MID1: variants seen among roughly 807,000 people sequenced by gnomAD.
MID1 encodes the protein midline 1.
A neutral mutation model predicts 40.4 loss-of-function variants in MID1; 7 were observed. The ratio of observed to expected loss-of-function variants is 0.17; its 90% CI spans 0.10 to 0.33. MID1 has a LOEUF of 0.33. Among genes scored for constraint, MID1 ranks in the 10% least tolerant of loss-of-function variants. The probability of loss-of-function intolerance (pLI) is 1.00; values close to 1 mark genes in which losing one functional copy is unlikely to be tolerated. For missense variants in MID1, 367 were observed against 558.5 expected, an observed-to-expected ratio of 0.66 and a Z score of 3.46; for synonymous variants, 229 against 221.2, an observed-to-expected ratio of 1.04 and a Z score of -0.31.
intron 1 of MID1, among the ~76,000 whole-genome samples, chrX:10,744,468 G>A (rs1278961432): frequency 2.7e-5 from 3 of 111,412 alleles, no homozygotes; most frequent in African/African-American, 9.8e-5. Context: ...TCAACAAAAG[G>A]AGAAAGGGAG....
intron 7 of MID1, among the ~76,000 whole-genome samples, chrX:10,464,719 A>G (rs960757964): frequency 8.9e-6 from 1 of 112,150 alleles, no homozygotes; most frequent in Admixed American, 9.5e-5. Context: ...AGCCAAGATC[A>G]GCAGGGCTTC....
intron 1 of MID1, among the ~76,000 whole-genome samples, chrX:10,616,668 G>A (rs1440490643): frequency 4.5e-5 from 5 of 112,117 alleles, no homozygotes; most frequent in African/African-American, 1.6e-4. Context: ...TAGCCTATGC[G>A]GTCTACAGCC....
At chrX:10,506,600 G>C in intron 3 of MID1, 4 of 485,706 alleles carry the variant, frequency 8.2e-6, no homozygotes, top group Non-Finnish European at 1.5e-5. Context: ...CCTGGGAGGG[G>C]CAGAAAAAGT....
intron 7 of MID1, chrX:10,469,306 T>A (rs1929559133): frequency 2.2e-6 from 2 of 919,896 alleles, no homozygotes; most frequent in Middle Eastern, 4.8e-4. Flanking sequence ...TTTATAGTTT[T>A]AACACCTATG....
intron 1 of MID1, among the ~76,000 whole-genome samples, chrX:10,804,954 T>C (rs1368461536): frequency 9.0e-6 from 1 of 111,524 alleles, no homozygotes; most frequent in Non-Finnish European, 1.9e-5. Flanking sequence ...AAATTTTTTC[T>C]AATCTTCACC....
chrX:10,809,040 CT>C (rs2044071836), intron 1 of MID1, among the ~76,000 whole-genome samples: 1 of 111,577 alleles, frequency 9.0e-6, no homozygotes, highest in South Asian at 3.8e-4. Flanking sequence ...TGACAAAGGG[CT>C]AATATCCAGA....
At chrX:10,531,179 C>A (rs2147385170) in intron 2 of MID1, among the ~76,000 whole-genome samples, 1 of 111,550 alleles carries the variant, frequency 9.0e-6, no homozygotes, top group Non-Finnish European at 1.9e-5. Flanking sequence ...CATATATTTT[C>A]TTCTAAGAAA....
chrX:10,738,560 AT>A (rs945138156), intron 1 of MID1, among the ~76,000 whole-genome samples: 1 of 112,120 alleles, frequency 8.9e-6, no homozygotes, highest in African/African-American at 3.2e-5. Context: ...GCCCACTTCA[AT>A]TTGAATTTTA....
At chrX:10,601,685 T>C (rs1008530889) in intron 1 of MID1, among the ~76,000 whole-genome samples, 1 of 111,455 alleles carries the variant, frequency 9.0e-6, no homozygotes, top group African/African-American at 3.3e-5. Context: ...CACATGATCC[T>C]GCTCTGACTA....
chrX:10,709,469 C>T (rs764510626), intron 1 of MID1, among the ~76,000 whole-genome samples: 3 of 111,930 alleles, frequency 2.7e-5, no homozygotes, highest in East Asian at 2.8e-4. Flanking sequence ...AGGCTTCAGG[C>T]GGGTTAGGCG....
intron 1 of MID1, among the ~76,000 whole-genome samples, chrX:10,704,920 C>T (rs898034544): frequency 5.5e-5 from 6 of 108,392 alleles, no homozygotes; most frequent in African/African-American, 1.0e-4. Flanking sequence ...CGTGCCACCA[C>T]GCCCGGCTAA....
intron 1 of MID1, among the ~76,000 whole-genome samples, chrX:10,787,353 T>A (rs973783430): frequency 1.9e-4 from 21 of 109,903 alleles, no homozygotes; most frequent in African/African-American, 5.6e-4. Flanking sequence ...CTATTTTTTT[T>A]AAATGAATCT....
At chrX:10,584,861 G>C (rs1348459582) in intron 1 of MID1, among the ~76,000 whole-genome samples, 1 of 111,045 alleles carries the variant, frequency 9.0e-6, no homozygotes, top group African/African-American at 3.3e-5. Context: ...TTATTCGGCT[G>C]GGGGCATCGG....
At chrX:10,796,415 T>A (rs888659656) in intron 1 of MID1, among the ~76,000 whole-genome samples, 1 of 107,759 alleles carries the variant, frequency 9.3e-6, no homozygotes, top group African/African-American at 3.4e-5. Flanking sequence ...AAAATTCAGT[T>A]TTTTTTTTTC....
At chrX:10,658,282 G>T (rs1346811895) in intron 1 of MID1, among the ~76,000 whole-genome samples, 4 of 108,696 alleles carry the variant, frequency 3.7e-5, no homozygotes, top group African/African-American at 1.3e-4. Flanking sequence ...TGAAAGGAAG[G>T]ATAAGGAATC....
At chrX:10,748,884 T>C (rs2043580024) in intron 1 of MID1, among the ~76,000 whole-genome samples, 1 of 111,261 alleles carries the variant, frequency 9.0e-6, no homozygotes, top group Non-Finnish European at 1.9e-5. Context: ...ACAAATGCTG[T>C]CATAAGGCAA....
intron 1 of MID1, among the ~76,000 whole-genome samples, chrX:10,739,833 T>A (rs992550802): frequency 2.7e-5 from 3 of 112,179 alleles, no homozygotes; most frequent in African/African-American, 9.7e-5. Context: ...ATGTGTGCTG[T>A]CCCCCTTCTC....
At chrX:10,806,953 A>G (rs776991669) in intron 1 of MID1, among the ~76,000 whole-genome samples, 2 of 112,317 alleles carry the variant, frequency 1.8e-5, no homozygotes, top group East Asian at 5.6e-4. Flanking sequence ...TTAAAACATT[A>G]GTTCTGAAGG....
rs1369287052 is a variant in MID1 at position 10,814,232 on chromosome X, A to G, written c.-187+19322T>C. On this transcript the variant is annotated intron_variant, in intron 1 of 10. Transcript: ENST00000380785. ...ATCATATTTTATTTTATTTTTCCCC[A>G]TATGTTAGATGGTTTACTCTCAGAA... 2.7e-5 allele frequency among the ~76,000 whole-genome samples: 3 copies of G among 111,127 alleles called. No homozygotes were observed. The East Asian group carries it at 8.5e-4, about 31-fold the overall frequency.
Sources: gnomAD v4.1 joint callset for allele counts (sites outside exome capture counted in the v4.1 genomes callset) on GRCh38, gnomAD v4.1.1 for gene constraint, MANE v1.5 for transcripts, NCBI Gene and HGNC (gene_info 2026-07-23, HGNC 2026-07-21) for gene names.